Variants in CPA6 observed in about 807,000 individuals in gnomAD.
CPA6 encodes the protein carboxypeptidase B.
CPA6 carries 58 observed loss-of-function variants against 63.3 expected under a neutral mutation model. The observed-to-expected ratio is 0.92, with a 90% CI of 0.74 to 1.14. CPA6 has a LOEUF of 1.14. Ranked by LOEUF, CPA6 falls within the 50% of genes most tolerant of loss-of-function variation. CPA6 has a pLI of 0.00. For missense variants in CPA6, 565 were observed against 526.6 expected (o/e 1.07, Z -0.71); for synonymous variants, 185 against 179.0 (o/e 1.03, Z -0.27).
intron 6 of CPA6, among the ~76,000 whole-genome samples, chr8:67,502,975 T>C (rs1021445073): frequency 1.3e-5 from 2 of 152,160 alleles, no homozygotes; most frequent in African/African-American, 4.8e-5. Context: ...GTCTATTAGA[T>C]CCTGTTGGTT....
At chr8:67,596,175 A>G (rs1213489759) in intron 2 of CPA6, among the ~76,000 whole-genome samples, 1 of 152,154 alleles carries the variant, frequency 6.6e-6, no homozygotes, top group Non-Finnish European at 1.5e-5. Context: ...CCTTCTCCCG[A>G]GGAACACCCT....
At chr8:67,449,494 A>G (rs1810507470) in intron 8 of CPA6, among the ~76,000 whole-genome samples, 1 of 152,184 alleles carries the variant, frequency 6.6e-6, no homozygotes, top group East Asian at 1.9e-4. Context: ...TAAAAGCAGA[A>G]TACAAAATCA....
At chr8:67,575,127 G>GA (rs1240145788) in intron 2 of CPA6, among the ~76,000 whole-genome samples, 17 of 151,952 alleles carry the variant, frequency 1.1e-4, no homozygotes, top group Non-Finnish European at 2.4e-4. Flanking sequence ...ACAAATACAT[G>GA]AAAAAAATGC....
At chr8:67,599,751 G>A (rs1344830421) in intron 2 of CPA6, among the ~76,000 whole-genome samples, 1 of 152,130 alleles carries the variant, frequency 6.6e-6, no homozygotes, top group Non-Finnish European at 1.5e-5. Flanking sequence ...ATCACCATGA[G>A]GAACAAACTG....
intron 1 of CPA6, among the ~76,000 whole-genome samples, chr8:67,686,313 T>A (rs539624439): frequency 6.6e-6 from 1 of 152,298 alleles, no homozygotes; most frequent in African/African-American, 2.4e-5. Context: ...AACCAAGCCA[T>A]TAGGGTCTTA....
intron 1 of CPA6, among the ~76,000 whole-genome samples, chr8:67,704,254 C>T (rs1182882752): frequency 1.3e-5 from 2 of 152,184 alleles, no homozygotes; most frequent in Non-Finnish European, 2.9e-5. Context: ...TACAAATTTT[C>T]CTCCATTTCT....
chr8:67,479,450 A>T (rs1319910154), intron 8 of CPA6, among the ~76,000 whole-genome samples: 1 of 152,200 alleles, frequency 6.6e-6, no homozygotes, highest in Non-Finnish European at 1.5e-5. Flanking sequence ...CATGCTATGC[A>T]TGTTAAAATT....
At chr8:67,725,197 T>C (rs1022734106) in intron 1 of CPA6, among the ~76,000 whole-genome samples, 3 of 152,250 alleles carry the variant, frequency 2.0e-5, no homozygotes, top group African/African-American at 7.2e-5. Context: ...ATAGCTGTTG[T>C]AAGAGTTTAT....
At chr8:67,724,914 A>G (rs1249922496) in intron 1 of CPA6, among the ~76,000 whole-genome samples, 8 of 152,136 alleles carry the variant, frequency 5.3e-5, no homozygotes, top group African/African-American at 1.9e-4. Context: ...CTCATCCCCC[A>G]ATTTTTGGTT....
intron 2 of CPA6, among the ~76,000 whole-genome samples, chr8:67,564,355 A>T (rs1351571673): frequency 6.6e-6 from 1 of 150,836 alleles, no homozygotes; most frequent in African/African-American, 2.4e-5. Context: ...TCTTTTTGGC[A>T]GCCTGTGCTT....
chr8:67,640,451 G>T (rs1314343030), intron 1 of CPA6, among the ~76,000 whole-genome samples: 2 of 151,450 alleles, frequency 1.3e-5, no homozygotes, highest in African/African-American at 4.9e-5. Flanking sequence ...TTTCAAAATT[G>T]CCTGGGCTCA....
At chr8:67,711,748 C>T (rs1817266751) in intron 1 of CPA6, among the ~76,000 whole-genome samples, 1 of 151,018 alleles carries the variant, frequency 6.6e-6, no homozygotes, top group Admixed American at 6.6e-5. Flanking sequence ...GGGCACCTTA[C>T]ACCCCATATG....
At chr8:67,676,640 T>A (rs1472745406) in intron 1 of CPA6, among the ~76,000 whole-genome samples, 1 of 152,206 alleles carries the variant, frequency 6.6e-6, no homozygotes, top group Non-Finnish European at 1.5e-5. Context: ...ATAGGTTCAT[T>A]TTCTTTTCTT....
chr8:67,685,775 A>C (rs1816698146), intron 1 of CPA6, among the ~76,000 whole-genome samples: 1 of 152,214 alleles, frequency 6.6e-6, no homozygotes, highest in African/African-American at 2.4e-5. Context: ...ATCTCCCTGA[A>C]TTATTACGTT....
Position 67,653,458 on chromosome 8 carries a change from ATCCCT to A in CPA6, c.117-29212_117-29208del, listed in dbSNP as rs1563378484. 6.0e-5 allele frequency among the ~76,000 whole-genome samples: 9 copies of A among 149,108 alleles called. No homozygotes were observed. The East Asian group carries it at 1.6e-3, about 27-fold the overall frequency. On this transcript the variant is annotated intron_variant, in intron 1 of 10. Coordinates refer to ENST00000297770, the MANE Select transcript of CPA6 (RefSeq NM_020361.5). ...AGTTCTCCTTGAAGAGGTCCTTCAC[ATCCCT>A]TGTAAGTTGGATTCCTAGGTATTTT...
At chr8:67,606,892 T>C (rs1308445142) in intron 2 of CPA6, among the ~76,000 whole-genome samples, 1 of 152,212 alleles carries the variant, frequency 6.6e-6, no homozygotes, top group Non-Finnish European at 1.5e-5. Flanking sequence ...AGGTTTGAGG[T>C]CCTGATAGTT....
intron 2 of CPA6, among the ~76,000 whole-genome samples, chr8:67,584,791 G>A (rs112495819): frequency 9.1e-4 from 138 of 152,234 alleles, no homozygotes; most frequent in African/African-American, 3.1e-3. Flanking sequence ...GGAGTTGGGG[G>A]TAGGATCTAG....
intron 2 of CPA6, among the ~76,000 whole-genome samples, chr8:67,521,725 A>G (rs1812261723): frequency 6.6e-6 from 1 of 152,230 alleles, no homozygotes; most frequent in Admixed American, 6.5e-5. Context: ...GTATGGGGGC[A>G]GGAAGCAATA....
At chr8:67,435,052 C>T (rs1299059110) in intron 8 of CPA6, among the ~76,000 whole-genome samples, 7 of 152,198 alleles carry the variant, frequency 4.6e-5, no homozygotes, top group Non-Finnish European at 1.0e-4. Context: ...CATCTGGCCC[C>T]CTTCCCTTTC....
Sources: allele counts gnomAD v4.1 joint callset (sites outside exome capture counted in the v4.1 genomes callset), GRCh38; gene constraint gnomAD v4.1.1; transcripts MANE v1.5; gene names NCBI Gene and HGNC (gene_info 2026-07-23, HGNC 2026-07-21).